Variants in ALPK2 observed in about 807,000 individuals in gnomAD.
ALPK2 encodes alpha-protein kinase 2.
A neutral mutation model predicts 163.1 loss-of-function variants in ALPK2; 127 were observed. The observed-to-expected ratio is 0.78, with a 90% CI of 0.67 to 0.90. ALPK2 has a LOEUF of 0.90. ALPK2 is among the 40% of genes least tolerant of loss of function. ALPK2 has a pLI of 0.00. For synonymous variants in ALPK2, 953 were observed against 959.1 expected (o/e 0.99, Z 0.12); for missense variants, 2,360 against 2,589.6 (o/e 0.91, Z 1.92).
chr18:58,582,692 G>T (rs1326339863), intron 3 of ALPK2, among the ~76,000 whole-genome samples: 3 of 152,122 alleles, frequency 2.0e-5, no homozygotes, highest in Non-Finnish European at 4.4e-5. Flanking sequence ...TTTACAGTTT[G>T]GTTTTATACA....
In ALPK2 at chr18:58,535,071, T is replaced by C; in HGVS notation, c.5116A>G (p.Thr1706Ala). ...GKSPGTLTAV[T>A]GSEEVKRKPE... ...TTCCTCTTGACCTCCTCTGACCCCG[T>C]CACTGCTGTGAGGGTCCCTGGCGAT... The change falls in exon 5 of 13, where the codon ACG becomes GCG. Residue 1706 changes from threonine (T) to alanine (A), a missense_variant. Physicochemically the swap from Thr to Ala is moderately conservative, Grantham distance 58. Coordinates refer to ENST00000361673, the MANE Select transcript of ALPK2 (RefSeq NM_052947.4). 6.2e-7 allele frequency: 1 copy of C among 1,614,136 alleles called. No homozygotes were observed. Among genetic ancestry groups the C allele is most frequent in the Non-Finnish European group, 8.5e-7 (1 of 1,180,018 alleles).
intron 6 of ALPK2, among the ~76,000 whole-genome samples, chr18:58,525,354 G>A (rs1277129115): frequency 6.6e-6 from 1 of 152,176 alleles, no homozygotes; most frequent in East Asian, 1.9e-4. Flanking sequence ...TCCGGACAGG[G>A]CAGTAAAACA....
chr18:58,613,716 AT>A (rs1163908361), intron 1 of ALPK2, among the ~76,000 whole-genome samples: 5,790 of 127,496 alleles, frequency 0.045, 258 homozygotes, highest in Admixed American at 0.095. Context: ...AAAAATAATA[AT>A]AATAATAATA....
Position 58,537,142 on chromosome 18 carries a change from G to C in ALPK2, c.3045C>G (p.Thr1015=). 1 of 1,614,068 alleles carries C rather than the reference G, an allele frequency of 6.2e-7. No homozygotes were observed. The highest frequency in any genetic ancestry group is 1.1e-5 in the South Asian group (1 of 91,068). The part of the protein sequence containing the change: ...TEDTSTVTIA[T]EVHPAKYLAV... ...CAAGGTATTTGGCTGGGTGGACTTC[G>C]GTGGCAATGGTAACAGTTGATGTGT... is the stretch of plus-strand genomic sequence containing the variant. The change falls in exon 5 of 13, where the codon ACC becomes ACG. Residue 1015 remains threonine (T), a synonymous_variant. Transcript: ENST00000361673.
At chr18:58,494,734 G>T (rs2144103716) in intron 12 of ALPK2, among the ~76,000 whole-genome samples, 1 of 152,192 alleles carries the variant, frequency 6.6e-6, no homozygotes, top group Admixed American at 6.5e-5. Context: ...AAGAGAACTT[G>T]CTCGATCAAC....
chr18:58,617,081 G>A (rs934638438), intron 1 of ALPK2, among the ~76,000 whole-genome samples: 2 of 152,202 alleles, frequency 1.3e-5, no homozygotes, highest in East Asian at 1.9e-4. Flanking sequence ...CTCTTCTTCC[G>A]TGTTGATGAT....
chr18:58,552,536 A>T (rs1025286634), intron 4 of ALPK2, among the ~76,000 whole-genome samples: 2 of 152,226 alleles, frequency 1.3e-5, no homozygotes, highest in Admixed American at 6.5e-5. Flanking sequence ...GGAAAGATAC[A>T]GAATCAATAT....
intron 8 of ALPK2, among the ~76,000 whole-genome samples, chr18:58,521,451 G>A (rs899181880): frequency 2.0e-5 from 3 of 151,948 alleles, no homozygotes; most frequent in Admixed American, 1.3e-4. Flanking sequence ...TGCCTTCTGG[G>A]GAGATGAGAG....
intron 6 of ALPK2, among the ~76,000 whole-genome samples, chr18:58,526,487 C>T (rs1038800429): frequency 6.6e-6 from 1 of 152,226 alleles, no homozygotes; most frequent in Non-Finnish European, 1.5e-5. Flanking sequence ...ACCTGTGCTC[C>T]ATGACCTTGC....
rs1411175979 is a variant in ALPK2 at position 58,565,179 on chromosome 18, A to G, written c.1962+13635T>C. On this transcript the variant is annotated intron_variant, in intron 4 of 12. Transcript: ENST00000361673. ...GCCAGTTACCCATGAACATTTCCTT[A>G]GAAACGTTTCCTTAGAAATAATTCT... Among the ~76,000 whole-genome samples, 3 of 145,768 alleles carry G rather than the reference A, an allele frequency of 2.1e-5. No homozygotes were observed. The East Asian group carries it at 7.0e-4, about 34-fold the overall frequency.
intron 5 of ALPK2, among the ~76,000 whole-genome samples, chr18:58,534,150 CT>C (rs10714071): frequency 0.49 from 70,831 of 145,528 alleles, 17,766 homozygotes; most frequent in East Asian, 0.78. Flanking sequence ...AATTTCAGGA[CT>C]TTTTTTTTTT....
chr18:58,536,052 T>C lies in ALPK2; in HGVS notation c.4135A>G (p.Lys1379Glu). The change falls in exon 5 of 13, where the codon AAA (lysine) becomes GAA (glutamate). Residue 1379 changes from lysine (K) to glutamate (E), a missense_variant. By Grantham distance (56) the Lys-to-Glu change is moderately conservative. Transcript: ENST00000361673. Reference sequence around the variant, plus strand: ...GCAGTGTGATCCATCTTGAGTTGTTTTTCCTCCTGGTCTTGACTCACATTG... The same window carrying C: ...GCAGTGTGATCCATCTTGAGTTGTTCTTCCTCCTGGTCTTGACTCACATTG... Reference protein sequence around the residue: ...VNNVSQDQEEKQLKMDHTAFF... With the variant: ...VNNVSQDQEEEQLKMDHTAFF... 1 of 1,614,198 alleles carries C rather than the reference T, an allele frequency of 6.2e-7. No individual in the cohort carries two copies. The highest frequency in any genetic ancestry group is 8.5e-7 in the Non-Finnish European group (1 of 1,180,032).
At chr18:58,595,079 C>A (rs771024219) in intron 3 of ALPK2, among the ~76,000 whole-genome samples, 21 of 152,204 alleles carry the variant, frequency 1.4e-4, no homozygotes, top group Non-Finnish European at 2.1e-4. Flanking sequence ...AAGCAATGAG[C>A]TGACGTGGGA....
intron 4 of ALPK2, among the ~76,000 whole-genome samples, chr18:58,562,730 C>A (rs2051831319): frequency 1.3e-5 from 2 of 152,194 alleles, no homozygotes; most frequent in South Asian, 2.1e-4. Context: ...ACATTTATTT[C>A]TTCTAGTTAT....
chr18:58,535,207 A>G lies in ALPK2; in HGVS notation c.4980T>C (p.Arg1660=). 6.2e-7 allele frequency: 1 copy of G among 1,613,954 alleles called. No homozygotes were observed. Among genetic ancestry groups the G allele is most frequent in the Non-Finnish European group, 8.5e-7 (1 of 1,179,990 alleles). ...GTAATTTAGGGGCTTTCTCTAACTC[A>G]CGTTCTCCTGAAATAAATGCCAAGG... ...AKTLAFISGE[R]ELEKAPKLLQ... Residue 1660 remains arginine, a synonymous_variant, in exon 5 of 13, where the codon CGT becomes CGC. Coordinates refer to ENST00000361673, the MANE Select transcript of ALPK2 (RefSeq NM_052947.4).
chr18:58,528,810 C>T, intron 6 of ALPK2: 1 of 401,166 alleles, frequency 2.5e-6, no homozygotes, highest in South Asian at 2.3e-5. Context: ...TATCATTTGA[C>T]ATGTTCCTTC....
intron 4 of ALPK2, among the ~76,000 whole-genome samples, chr18:58,548,514 T>A (rs1358449693): frequency 5.3e-5 from 8 of 151,950 alleles, no homozygotes; most frequent in African/African-American, 1.9e-4. Flanking sequence ...AGAGATGGGG[T>A]TTTGCCCTGT....
chr18:58,567,448 T>TA (rs969025212), intron 4 of ALPK2, among the ~76,000 whole-genome samples: 14 of 152,144 alleles, frequency 9.2e-5, no homozygotes, highest in Non-Finnish European at 2.1e-4. Context: ...GTTGTTTTTT[T>TA]AAACACGCAC....
chr18:58,602,242 C>A (rs560349679), intron 3 of ALPK2, among the ~76,000 whole-genome samples: 1 of 152,178 alleles, frequency 6.6e-6, no homozygotes, highest in Non-Finnish European at 1.5e-5. Context: ...ATAAACCTGG[C>A]CAGTGCTTAT....
Sources: gnomAD v4.1 joint callset for allele counts (sites outside exome capture counted in the v4.1 genomes callset) on GRCh38, gnomAD v4.1.1 for gene constraint, MANE v1.5 for transcripts, NCBI Gene and HGNC (gene_info 2026-07-23, HGNC 2026-07-21) for gene names.